Variants in TMEM114 observed in about 807,000 individuals in gnomAD.
TMEM114 encodes the protein claudin-26.
A neutral mutation model predicts 6.2 loss-of-function variants in TMEM114; 6 were observed. The ratio of observed to expected loss-of-function variants is 0.97; its 90% confidence interval spans 0.53 to 1.91. TMEM114 has a LOEUF of 1.91. Ranked by LOEUF, TMEM114 falls within the 40% of genes most tolerant of loss-of-function variation. The pLI, the probability that TMEM114 is intolerant of heterozygous loss-of-function variation, is 0.01. For missense variants in TMEM114, 218 were observed against 158.3 expected, an observed-to-expected ratio of 1.38 and a Z score of -2.02; for synonymous variants, 104 against 73.0, an observed-to-expected ratio of 1.42 and a Z score of -2.16.
chr16:8,557,402 G>A (rs192420464), intron 2 of TMEM114, among the ~76,000 whole-genome samples: 113 of 152,252 alleles, frequency 7.4e-4, no homozygotes, highest in African/African-American at 2.5e-3. Flanking sequence ...CCGAGATGAT[G>A]TAAAGAGAGA....
At position 8,570,008 on chromosome 16, in the gene TMEM114, G is replaced by T; in HGVS notation, c.440-3C>A. ...GATCCCAGCGAGGGTCACCATGGCT[G>T]CAGGGAGGGCAAAGGGAGAGCAGAT... is the stretch of plus-strand genomic sequence containing the variant. On this transcript the variant is annotated splice_region_variant and splice_polypyrimidine_tract_variant and intron_variant, in intron 3 of 3. Coordinates refer to ENST00000620492, the MANE Select transcript of TMEM114 (RefSeq NM_001146336.2). 1.3e-6 allele frequency: 2 copies of T among 1,547,396 alleles called. No homozygotes were observed. Among genetic ancestry groups the T allele is most frequent in the South Asian group, 1.2e-5 (1 of 83,930 alleles).
chr16:8,563,999 G>C (rs879713335), intron 2 of TMEM114, among the ~76,000 whole-genome samples: 2 of 151,418 alleles, frequency 1.3e-5, no homozygotes, highest in African/African-American at 2.5e-5. Flanking sequence ...GGGAGGGAAT[G>C]AGTGAGTGAA....
intron 2 of TMEM114, among the ~76,000 whole-genome samples, chr16:8,558,640 T>C (rs1339047260): frequency 6.6e-6 from 1 of 152,174 alleles, no homozygotes; most frequent in Non-Finnish European, 1.5e-5. Context: ...CAGTCCCCTA[T>C]TTAGGCAAGC....
At chr16:8,527,645 C>G in the TMEM114 span, among the ~76,000 whole-genome samples, 1 of 152,026 alleles carries the variant, frequency 6.6e-6, no homozygotes, top group Admixed American at 6.6e-5. Flanking sequence ...TCTTTTTATT[C>G]TCACATGGGA....
chr16:8,558,026 G>A (rs1436194486), intron 2 of TMEM114, among the ~76,000 whole-genome samples: 1 of 152,140 alleles, frequency 6.6e-6, no homozygotes, highest in Non-Finnish European at 1.5e-5. Flanking sequence ...GGCTAAGGCA[G>A]GCGGATCACC....
intron 2 of TMEM114, among the ~76,000 whole-genome samples, chr16:8,561,817 G>GGAGTGAATGAGT (rs548603580): frequency 1.3e-5 from 2 of 151,018 alleles, no homozygotes; most frequent in Non-Finnish European, 3.0e-5. Flanking sequence ...AGTGAAGGAG[G>GGAGTGAATGAGT]GAGTGAATGA....
chr16:8,533,458 G>A (rs116744953), downstream of TMEM114, among the ~76,000 whole-genome samples: 58 of 152,322 alleles, frequency 3.8e-4, no homozygotes, highest in East Asian at 0.01. Flanking sequence ...ATGAATGGGC[G>A]AGGTGGTTAT....
chr16:8,546,799 A>G (rs1900681339), intron 2 of TMEM114, among the ~76,000 whole-genome samples: 1 of 152,198 alleles, frequency 6.6e-6, no homozygotes, highest in Non-Finnish European at 1.5e-5. Flanking sequence ...TTCTTCTGCA[A>G]TAAAGGTTTC....
At position 8,569,765 on chromosome 16, in the gene TMEM114, G is replaced by A. The variant is rs900007085; in HGVS notation, c.*8C>T. 6.5e-7 allele frequency: 1 copy of A among 1,546,666 alleles called. No individual in the cohort carries two copies. Among genetic ancestry groups the A allele is most frequent in the South Asian group, 1.2e-5 (1 of 83,916 alleles). Reference sequence around the variant, plus strand: ...CCCTCCCTCCCCTCCACGACCCAGCGCCCAGGCTCATATGGCCTGGTCCTG... The same window carrying A: ...CCCTCCCTCCCCTCCACGACCCAGCACCCAGGCTCATATGGCCTGGTCCTG... On this transcript the variant is annotated 3_prime_UTR_variant, in exon 4 of 4. Coordinates refer to ENST00000620492, the MANE Select transcript of TMEM114 (RefSeq NM_001146336.2).
intron 2 of TMEM114, among the ~76,000 whole-genome samples, chr16:8,573,265 G>A (rs1053295901): frequency 1.3e-5 from 2 of 152,264 alleles, no homozygotes; most frequent in East Asian, 3.9e-4. Context: ...GAGACATGCT[G>A]CCCCCGGGTT....
downstream of TMEM114, among the ~76,000 whole-genome samples, chr16:8,532,912 A>G (rs1464370630): frequency 6.6e-6 from 1 of 152,234 alleles, no homozygotes; most frequent in South Asian, 2.1e-4. Context: ...TGACAGCGCA[A>G]GATTCCATCT....
intron 2 of TMEM114, among the ~76,000 whole-genome samples, chr16:8,583,803 T>C (rs1469868616): frequency 6.6e-6 from 1 of 150,858 alleles, no homozygotes; most frequent in Non-Finnish European, 1.5e-5. Flanking sequence ...ACCCCAGTGA[T>C]GTAGGCGCGT....
downstream of TMEM114, among the ~76,000 whole-genome samples, chr16:8,535,872 A>T (rs1396194860): frequency 6.6e-6 from 1 of 152,212 alleles, no homozygotes; most frequent in East Asian, 1.9e-4. Flanking sequence ...CTTTGGGTCG[A>T]TCCTGAGCAA....
chr16:8,549,939 T>C (rs956826730), intron 2 of TMEM114, among the ~76,000 whole-genome samples: 5 of 152,184 alleles, frequency 3.3e-5, no homozygotes, highest in African/African-American at 1.2e-4. Flanking sequence ...AGTGGCTCAG[T>C]CCGAGTCCCA....
chr16:8,543,399 C>T (rs1900572189), intron 2 of TMEM114, among the ~76,000 whole-genome samples: 1 of 152,010 alleles, frequency 6.6e-6, no homozygotes, highest in African/African-American at 2.4e-5. Context: ...TCAATTTCAC[C>T]TGCTTTCCCT....
At chr16:8,528,244 G>GCA in the TMEM114 span, among the ~76,000 whole-genome samples, 3 of 27,678 alleles carry the variant, frequency 1.1e-4, no homozygotes, top group African/African-American at 4.6e-4. Flanking sequence ...CACCCAAAAT[G>GCA]CGCACACACA....
At chr16:8,551,357 T>C (rs184310033) in intron 2 of TMEM114, among the ~76,000 whole-genome samples, 1 of 152,306 alleles carries the variant, frequency 6.6e-6, no homozygotes, top group African/African-American at 2.4e-5. Context: ...CAGCCCCTAG[T>C]AACGGTGGGA....
chr16:8,564,657 G>A (rs1258052603), downstream of TMEM114, among the ~76,000 whole-genome samples: 33 of 151,082 alleles, frequency 2.2e-4, 1 homozygote, highest in Admixed American at 5.3e-4. Context: ...AAATGAGTGA[G>A]TGAGGGAGGG....
intron 2 of TMEM114, among the ~76,000 whole-genome samples, chr16:8,586,579 A>G (rs1463530847): frequency 1.3e-5 from 2 of 151,268 alleles, no homozygotes; most frequent in Non-Finnish European, 2.9e-5. Flanking sequence ...GTGCAATCTC[A>G]GCTCACTGCA....
Sources: gnomAD v4.1 joint callset for allele counts (sites outside exome capture counted in the v4.1 genomes callset) on GRCh38, gnomAD v4.1.1 for gene constraint, MANE v1.5 for transcripts, NCBI Gene and HGNC (gene_info 2026-07-23, HGNC 2026-07-21) for gene names.